Variants in SLC14A2 observed in about 807,000 individuals in gnomAD.
The protein encoded by SLC14A2 is solute carrier family 14 member 2.
In SLC14A2, 91 loss-of-function variants were observed where a neutral mutation model predicts 104.6. The ratio of observed to expected loss-of-function variants is 0.87; its 90% confidence interval spans 0.73 to 1.04. The LOEUF (loss-of-function observed/expected upper bound fraction) is 1.04. SLC14A2 is among the 50% of genes least tolerant of loss of function. The pLI is 0.00. For synonymous variants in SLC14A2, 476 were observed against 466.4 expected (o/e 1.02, Z -0.27); for missense variants, 1,189 against 1,156.0 (o/e 1.03, Z -0.41).
intron 1 of SLC14A2, among the ~76,000 whole-genome samples, chr18:45,388,953 A>G (rs1280523347): frequency 6.6e-6 from 1 of 152,210 alleles, no homozygotes; most frequent in Non-Finnish European, 1.5e-5. Flanking sequence ...AAATAAGGGA[A>G]AATAGAAGTT....
intron 2 of SLC14A2, among the ~76,000 whole-genome samples, chr18:45,591,752 A>G (rs1344225679): frequency 6.6e-6 from 1 of 152,228 alleles, no homozygotes; most frequent in Non-Finnish European, 1.5e-5. Context: ...AGGAGACCCC[A>G]CTATACACTA....
At chr18:45,209,059 G>A (rs1221437979), upstream of SLC14A2, among the ~76,000 whole-genome samples, 8 of 150,156 alleles carry the variant, frequency 5.3e-5, no homozygotes, top group East Asian at 2.0e-4. Flanking sequence ...AACTGTGGCC[G>A]AGCACGGTGG....
At chr18:45,279,454 C>G (rs1470062465) in intron 1 of SLC14A2, among the ~76,000 whole-genome samples, 2 of 152,064 alleles carry the variant, frequency 1.3e-5, no homozygotes, top group African/African-American at 4.8e-5. Context: ...AAAGCAGGGA[C>G]TTGACAGTAT....
At chr18:45,567,274 G>A (rs755813222) in intron 2 of SLC14A2, among the ~76,000 whole-genome samples, 50 of 152,116 alleles carry the variant, frequency 3.3e-4, no homozygotes, top group Non-Finnish European at 6.0e-4. Flanking sequence ...AAGCCTGTGG[G>A]AAAAGGGCCC....
chr18:45,599,148 T>G (rs953290256), intron 2 of SLC14A2, among the ~76,000 whole-genome samples: 1 of 152,192 alleles, frequency 6.6e-6, no homozygotes, highest in Non-Finnish European at 1.5e-5. Context: ...TTTAAACACA[T>G]AATGTAGCGT....
intron 1 of SLC14A2, among the ~76,000 whole-genome samples, chr18:45,277,789 A>G (rs1285893766): frequency 6.6e-6 from 1 of 152,254 alleles, no homozygotes; most frequent in Non-Finnish European, 1.5e-5. Context: ...AACACAGGAT[A>G]TGATATACAA....
intron 1 of SLC14A2, chr18:45,438,113 A>C (rs1422751438): frequency 6.6e-6 from 1 of 152,244 alleles, no homozygotes; most frequent in African/African-American, 2.4e-5. Flanking sequence ...GGCAAAAATA[A>C]AGACTTTCAG....
At chr18:45,582,441 A>G (rs2044506482) in intron 2 of SLC14A2, among the ~76,000 whole-genome samples, 1 of 152,172 alleles carries the variant, frequency 6.6e-6, no homozygotes, top group South Asian at 2.1e-4. Flanking sequence ...GATTTTTTCT[A>G]TTATGTGCTC....
the SLC14A2 span, among the ~76,000 whole-genome samples, chr18:45,169,693 T>C: frequency 5.3e-5 from 8 of 152,344 alleles, no homozygotes; most frequent in Non-Finnish European, 1.0e-4. Context: ...CAGAAAACCC[T>C]GCTCCATTTT....
At position 45,447,100 on chromosome 18, in the gene SLC14A2, T is replaced by A. The variant is rs191755320; in HGVS notation, c.-124-36133T>A. Among the ~76,000 whole-genome samples the A allele has an allele frequency of 2.4e-3, 362 of 152,046 alleles. 1 individual carries two copies. The highest frequency in any genetic ancestry group is 7.2e-3 in the African/African-American group (299 of 41,468). On this transcript the variant is annotated intron_variant, in intron 1 of 20. Transcript: ENST00000586448. ...GTGCTTGTTCTTTGGCCATAGCTCC[T>A]GGTGGGAGGGATGGGGGGTGGGGGT...
intron 1 of SLC14A2, among the ~76,000 whole-genome samples, chr18:45,269,981 C>G (rs2084634035): frequency 6.6e-6 from 1 of 152,194 alleles, no homozygotes; most frequent in Non-Finnish European, 1.5e-5. Flanking sequence ...CTTTCTTCTA[C>G]TTCTCCTATA....
intron 1 of SLC14A2, among the ~76,000 whole-genome samples, chr18:45,406,783 G>T (rs2086159911): frequency 1.3e-5 from 2 of 152,062 alleles, no homozygotes; most frequent in South Asian, 2.1e-4. Flanking sequence ...GTTCTTGAGT[G>T]ACTAGATACA....
intron 1 of SLC14A2, among the ~76,000 whole-genome samples, chr18:45,482,145 T>C (rs1281173910): frequency 2.0e-5 from 3 of 152,200 alleles, no homozygotes; most frequent in Non-Finnish European, 4.4e-5. Flanking sequence ...CCAGCTATTT[T>C]ACTTCAAGGA....
intron 1 of SLC14A2, among the ~76,000 whole-genome samples, chr18:45,274,258 T>C (rs947970048): frequency 1.4e-4 from 22 of 152,182 alleles, no homozygotes; most frequent in Non-Finnish European, 4.4e-5. Context: ...ATGCAAGATG[T>C]GTGTTGTTCT....
intron 3 of SLC14A2, 48 bp from the exon 4 acceptor site, chr18:45,626,910 A>T (rs2045265534): frequency 6.6e-7 from 1 of 1,524,848 alleles, no homozygotes; most frequent in African/African-American, 1.4e-5. Context: ...AGTTCAGCAG[A>T]GCAGCCCAAG....
At chr18:45,508,694 G>A (rs1329836393) in intron 2 of SLC14A2, among the ~76,000 whole-genome samples, 1 of 152,154 alleles carries the variant, frequency 6.6e-6, no homozygotes, top group Admixed American at 6.5e-5. Context: ...GTGTCCTTTA[G>A]ATGGGTCACC....
At chr18:45,408,266 A>G (rs2086178339) in intron 1 of SLC14A2, among the ~76,000 whole-genome samples, 1 of 152,196 alleles carries the variant, frequency 6.6e-6, no homozygotes, top group Non-Finnish European at 1.5e-5. Context: ...TCTCTGGGGT[A>G]ATTCTGGGAA....
intron 1 of SLC14A2, among the ~76,000 whole-genome samples, chr18:45,311,021 C>A (rs1253910515): frequency 2.0e-5 from 3 of 152,200 alleles, no homozygotes; most frequent in Non-Finnish European, 4.4e-5. Context: ...TGCCTGCCAG[C>A]TTCAGACATG....
chr18:45,331,694 A>C (rs1346122592), intron 1 of SLC14A2, among the ~76,000 whole-genome samples: 1 of 151,922 alleles, frequency 6.6e-6, no homozygotes, highest in East Asian at 1.9e-4. Context: ...CCGTCTCAAA[A>C]AAAAAAAAAA....
Sources: gnomAD v4.1 joint callset for allele counts (sites outside exome capture counted in the v4.1 genomes callset) on GRCh38, gnomAD v4.1.1 for gene constraint, MANE v1.5 for transcripts, NCBI Gene and HGNC (gene_info 2026-07-23, HGNC 2026-07-21) for gene names.